Variants in VPS29 observed in about 807,000 individuals in gnomAD.
The protein encoded by VPS29 is VPS29 retromer complex component.
Under a neutral mutation model 20.0 loss-of-function variants are expected in VPS29, and 2 were observed. The observed-to-expected ratio is 0.10, with a 90% CI of 0.04 to 0.31. VPS29 has a LOEUF of 0.31. Among genes scored for constraint, VPS29 ranks in the 10% least tolerant of loss-of-function variants. The pLI is 1.00. For synonymous variants in VPS29, 81 were observed against 79.3 expected (o/e 1.02, Z -0.12); for missense variants, 120 against 215.3 (o/e 0.56, Z 2.77).
At position 110,496,058 on chromosome 12, in the gene VPS29, T is replaced by C. The variant is rs2062901157; in HGVS notation, c.149A>G (p.Lys50Arg). ...AATATGAACATCACCAGCCAGAGTC[T>C]TGAGATAGTCATAACTCTCTTTGGT... ...LCTKESYDYLKTLAGDVHIVR... is the reference protein window; with the variant it reads ...LCTKESYDYLRTLAGDVHIVR... The change falls in exon 2 of 4, where the codon AAG (lysine) becomes AGG (arginine). Residue 50 changes from lysine (K) to arginine (R), a missense_variant. Physicochemically the swap from Lys to Arg is conservative, Grantham distance 26. Transcript: ENST00000549578. 1 of 1,610,358 alleles carries C rather than the reference T, an allele frequency of 6.2e-7. No individual in the cohort carries two copies. Among genetic ancestry groups the C allele is most frequent in the Non-Finnish European group, 8.5e-7 (1 of 1,176,900 alleles).
intron 1 of VPS29, chr12:110,496,793 A>C (rs184570323): frequency 6.6e-6 from 1 of 152,266 alleles, no homozygotes; most frequent in Non-Finnish European, 1.5e-5. Flanking sequence ...ATGTGCAAGC[A>C]TAATAGCCAA....
At chr12:110,493,637 C>T (rs1476311136) in intron 2 of VPS29, among the ~76,000 whole-genome samples, 2 of 152,204 alleles carry the variant, frequency 1.3e-5, no homozygotes, top group African/African-American at 2.4e-5. Flanking sequence ...GCTAGGATTA[C>T]AGGCCTGAGC....
At chr12:110,492,761 A>ACAGG (rs1482034635) in intron 3 of VPS29, among the ~76,000 whole-genome samples, 4 of 151,828 alleles carry the variant, frequency 2.6e-5, no homozygotes, top group Non-Finnish European at 5.9e-5. Context: ...AGCTGGGATC[A>ACAGG]CAGGCATGCA....
intron 2 of VPS29, among the ~76,000 whole-genome samples, chr12:110,493,989 T>G (rs1225591322): frequency 6.6e-6 from 1 of 152,120 alleles, no homozygotes; most frequent in Non-Finnish European, 1.5e-5. Flanking sequence ...TTTACAAATA[T>G]CAACTTAATT....
intron 1 of VPS29, 171 bp downstream of exon 1, chr12:110,501,878 C>G: frequency 6.8e-7 from 1 of 1,478,884 alleles, no homozygotes. Context: ...GAGGTGGCCG[C>G]TCCCTTCCTT....
Position 110,502,062 on chromosome 12 carries a change from G to T in VPS29, c.-11C>A. The T allele has an allele frequency of 6.2e-7, 1 of 1,611,994 alleles. No homozygotes were observed. On this transcript the variant is annotated 5_prime_UTR_variant, in exon 1 of 4. Coordinates refer to ENST00000549578, the MANE Select transcript of VPS29 (RefSeq NM_016226.5). ...TGCAGCCCTCACCATCCTGTCACCG[G>T]GCTCCGCTCAGTCACCACCACCGTC...
chr12:110,501,728 G>C lies in VPS29; in HGVS notation c.3+321C>G, dbSNP rs748367867. 2.5e-6 allele frequency: 3 copies of C among 1,209,306 alleles called. No individual in the cohort carries two copies. In the South Asian group the frequency reaches 3.9e-5, roughly 16 times the overall value. The allele number at this position is 1,209,306 out of a possible 1,614,324, so 74.9% of individuals were successfully genotyped here. A position where few individuals can be genotyped will look rare whatever the true frequency, so the allele number is the denominator to read the frequency against. ...CCGTGCCCCTATCCCCGGAACATTC[G>C]AGGTATAGGACCAAAGGCCTTCCCT... On this transcript the variant is annotated intron_variant, in intron 1 of 3. Coordinates refer to ENST00000549578, the MANE Select transcript of VPS29 (RefSeq NM_016226.5).
chr12:110,500,838 G>T (rs61942601), intron 1 of VPS29, among the ~76,000 whole-genome samples: 4,029 of 151,610 alleles, frequency 0.027, 89 homozygotes, highest in Non-Finnish European at 0.039. Flanking sequence ...GGACCCGAGT[G>T]GGTTGCCCCA....
rs1339204717 is a variant in VPS29, at chr12:110,497,239, C to T, written c.4-1036G>A. 2.1e-4 allele frequency among the ~76,000 whole-genome samples: 20 copies of T among 93,350 alleles called. No individual in the cohort carries two copies. In the East Asian group the frequency reaches 3.9e-3, roughly 18 times the overall value. 61.2% of individuals were successfully genotyped at this position (93,350 alleles called of 152,430 possible). On this transcript the variant is annotated intron_variant, in intron 1 of 3. Transcript: ENST00000549578. The stretch of plus-strand genomic sequence containing the variant: ...TTTTTTTTTTTTTTTTTTTTTGAGA[C>T]GGAGTCTCACTCTGTCGCCCAGGCT...
intron 1 of VPS29, among the ~76,000 whole-genome samples, chr12:110,497,904 T>C (rs900040951): frequency 6.6e-6 from 1 of 150,948 alleles, no homozygotes; most frequent in East Asian, 2.0e-4. Flanking sequence ...GGCAGCAGAG[T>C]GAGACTCTGT....
At chr12:110,501,652 C>A (rs2063050641) in intron 1 of VPS29, 1 of 1,527,968 alleles carries the variant, frequency 6.5e-7, no homozygotes, top group Non-Finnish European at 8.8e-7. Context: ...CCCCAACCAG[C>A]GGGAGGTGCT....
rs186704332 is a variant in VPS29, at chr12:110,493,618, T to A, written c.196-387A>T. On this transcript the variant is annotated intron_variant, in intron 2 of 3. Transcript: ENST00000549578. ...CTCAAATGATCCACCTGCCTTGGCC[T>A]CCCAAAGCGCTAGGATTACAGGCCT... Among the ~76,000 whole-genome samples, 1,039 of 152,258 alleles carry A rather than the reference T, an allele frequency of 6.8e-3. 1 individual carries two copies. The highest frequency in any genetic ancestry group is 9.3e-3 in the Non-Finnish European group (634 of 68,026).
At chr12:110,498,213 C>A (rs1021693544) in intron 1 of VPS29, among the ~76,000 whole-genome samples, 25 of 152,034 alleles carry the variant, frequency 1.6e-4, no homozygotes, top group Admixed American at 1.4e-3. Flanking sequence ...CTCAGGTGAC[C>A]CACCTGCCCT....
At chr12:110,494,126 C>T (rs1276216204) in intron 2 of VPS29, among the ~76,000 whole-genome samples, 1 of 151,988 alleles carries the variant, frequency 6.6e-6, no homozygotes, top group Non-Finnish European at 1.5e-5. Flanking sequence ...TTTATCCAAA[C>T]TCTTTTTAAA....
chr12:110,500,418 T>C (rs552720560), intron 1 of VPS29, among the ~76,000 whole-genome samples: 2 of 152,336 alleles, frequency 1.3e-5, no homozygotes, highest in East Asian at 3.9e-4. Context: ...CCATGGCAAG[T>C]AATTATGTCT....
At chr12:110,501,623 G>A in intron 1 of VPS29, 3 of 1,534,264 alleles carry the variant, frequency 2.0e-6, no homozygotes, top group South Asian at 2.4e-5. Context: ...CATTCGAGAG[G>A]CCAGCTTCCA....
At chr12:110,495,145 G>A (rs1420596446) in intron 2 of VPS29, among the ~76,000 whole-genome samples, 1 of 152,114 alleles carries the variant, frequency 6.6e-6, no homozygotes, top group Non-Finnish European at 1.5e-5. Context: ...TGTAAGCACT[G>A]CCACACTAAA....
chr12:110,498,920 T>C (rs898712284), intron 1 of VPS29: 1 of 779,380 alleles, frequency 1.3e-6, no homozygotes, highest in Non-Finnish European at 1.6e-6. Context: ...AAGGTAAAAA[T>C]AATAGATTTC....
intron 1 of VPS29, chr12:110,499,602 A>T: frequency 7.2e-7 from 1 of 1,380,820 alleles, no homozygotes; most frequent in Non-Finnish European, 1.0e-6. Flanking sequence ...AAAAGGGTGA[A>T]ACATGACCAA....
Sources: allele counts gnomAD v4.1 joint callset (sites outside exome capture counted in the v4.1 genomes callset), GRCh38; gene constraint gnomAD v4.1.1; transcripts MANE v1.5; gene names NCBI Gene and HGNC (gene_info 2026-07-23, HGNC 2026-07-21).